Variants in TSPAN18 observed in about 807,000 individuals in gnomAD.
TSPAN18 encodes tetraspanin 18, also known as tetraspanin-18.
A neutral mutation model predicts 27.3 loss-of-function variants in TSPAN18; 14 were observed. The ratio of observed to expected loss-of-function variants is 0.51; its 90% CI spans 0.34 to 0.80. The LOEUF (loss-of-function observed/expected upper bound fraction) is 0.80. TSPAN18 is among the 30% of genes least tolerant of loss of function. The probability of loss-of-function intolerance (pLI) is 0.01; values close to 1 mark genes in which losing one functional copy is unlikely to be tolerated. For synonymous variants in TSPAN18, 143 were observed against 136.5 expected, an observed-to-expected ratio of 1.05 and a Z score of -0.33; for missense variants, 268 against 323.9, an observed-to-expected ratio of 0.83 and a Z score of 1.32.
intron 5 of TSPAN18, among the ~76,000 whole-genome samples, chr11:44,917,175 G>A (rs1424257381): frequency 6.6e-6 from 1 of 152,208 alleles, no homozygotes; most frequent in African/African-American, 2.4e-5. Flanking sequence ...CCCAGGAGAG[G>A]GAGGGTTCTC....
In TSPAN18 at chr11:44,917,962, C is replaced by T. The variant is rs959814658; in HGVS notation, c.259-10C>T. On this transcript the variant is annotated splice_polypyrimidine_tract_variant and intron_variant, in intron 5 of 9. Transcript: ENST00000520358. ...CCTCTGGGCTCACAAGGCTGTTCCT[C>T]TCCCTGCAGTTCTTCCTGTTCATCC... is the stretch of plus-strand genomic sequence containing the variant. 6 of 1,613,944 alleles carry T rather than the reference C, an allele frequency of 3.7e-6. No individual in the cohort carries two copies. Among genetic ancestry groups the T allele is most frequent in the Non-Finnish European group, 5.1e-6 (6 of 1,179,992 alleles).
chr11:44,835,811 A>G (rs1042777988), intron 2 of TSPAN18, among the ~76,000 whole-genome samples: 2 of 152,162 alleles, frequency 1.3e-5, no homozygotes, highest in African/African-American at 4.8e-5. Context: ...TCTCTGTTGC[A>G]TTTTGGTAAT....
chr11:44,846,970 G>A (rs1857498663), intron 2 of TSPAN18, among the ~76,000 whole-genome samples: 1 of 152,188 alleles, frequency 6.6e-6, no homozygotes, highest in Non-Finnish European at 1.5e-5. Flanking sequence ...ACTCTCGGAA[G>A]GGCCCTGTGC....
chr11:44,919,168 G>A (rs761431230), intron 6 of TSPAN18, 46 bp from the exon 7 acceptor site: 3 of 1,486,026 alleles, frequency 2.0e-6, no homozygotes, highest in Admixed American at 1.7e-5. Flanking sequence ...GGTGGGGGCT[G>A]CACCCAACTG....
intron 2 of TSPAN18, among the ~76,000 whole-genome samples, chr11:44,847,610 G>A (rs1857511693): frequency 6.6e-6 from 1 of 152,162 alleles, no homozygotes; most frequent in Non-Finnish European, 1.5e-5. Flanking sequence ...ACCAGTATTT[G>A]TTTGACTCCC....
At chr11:44,903,386 T>C (rs1215507878) in intron 3 of TSPAN18, 1 of 439,820 alleles carries the variant, frequency 2.3e-6, no homozygotes, top group Non-Finnish European at 4.6e-6. Context: ...ATGGTGGTGA[T>C]AGGAAAGTCA....
chr11:44,821,562 G>A (rs190839100), intron 2 of TSPAN18, among the ~76,000 whole-genome samples: 1 of 152,254 alleles, frequency 6.6e-6, no homozygotes, highest in Admixed American at 6.5e-5. Context: ...ATTTCTCTGT[G>A]GGGTCAGTGG....
At chr11:44,897,814 C>G (rs772284277) in intron 3 of TSPAN18, 3 of 1,289,278 alleles carry the variant, frequency 2.3e-6, no homozygotes, top group Admixed American at 4.6e-5. Context: ...TGCTGATGCC[C>G]GAAGAACTGC....
intron 2 of TSPAN18, among the ~76,000 whole-genome samples, chr11:44,771,274 A>G (rs1297533774): frequency 6.6e-6 from 1 of 152,220 alleles, no homozygotes; most frequent in African/African-American, 2.4e-5. Flanking sequence ...CTTGAGGATG[A>G]GTGGAGAAAT....
rs901410464 is a variant in TSPAN18, at chr11:44,857,845, C to T, written c.-152-2483C>T. ...CACATATTCACACACTGAATCCCTC[C>T]CCCCGATACACACAGATGCATGCCC... is the stretch of plus-strand genomic sequence containing the variant. On this transcript the variant is annotated intron_variant, in intron 2 of 9. Coordinates refer to ENST00000520358, the MANE Select transcript of TSPAN18 (RefSeq NM_130783.5). 1.3e-5 allele frequency among the ~76,000 whole-genome samples: 2 copies of T among 152,126 alleles called. 1 individual carries two copies. Among genetic ancestry groups the T allele is most frequent in the Non-Finnish European group, 2.9e-5 (2 of 68,020 alleles).
intron 2 of TSPAN18, among the ~76,000 whole-genome samples, chr11:44,842,325 C>T (rs147198287): frequency 6.3e-4 from 96 of 152,348 alleles, no homozygotes; most frequent in African/African-American, 2.2e-3. Flanking sequence ...TTAAGCCACA[C>T]GCTCACTGTA....
intron 1 of TSPAN18, among the ~76,000 whole-genome samples, chr11:44,739,765 G>A (rs1403699080): frequency 6.7e-6 from 1 of 149,812 alleles, no homozygotes; most frequent in African/African-American, 2.5e-5. Flanking sequence ...CCAGTCTCTG[G>A]GCCCAGAGAC....
intron 2 of TSPAN18, among the ~76,000 whole-genome samples, chr11:44,823,823 A>G (rs540734317): frequency 1.3e-5 from 2 of 152,322 alleles, no homozygotes; most frequent in Middle Eastern, 3.4e-3. Context: ...AGCATTTCCC[A>G]TCACCCTCTG....
intron 3 of TSPAN18, chr11:44,897,889 G>GT (rs1304140683): frequency 4.7e-6 from 6 of 1,283,234 alleles, no homozygotes; most frequent in Non-Finnish European, 5.1e-6. Context: ...ACCTGACACG[G>GT]TCCCATCTCC....
chr11:44,906,815 A>G (rs1859469616), intron 4 of TSPAN18, among the ~76,000 whole-genome samples: 1 of 152,182 alleles, frequency 6.6e-6, no homozygotes, highest in African/African-American at 2.4e-5. Context: ...AGAGGGCAGC[A>G]AGAGGGAGCC....
chr11:44,871,210 C>T (rs1374863563), intron 3 of TSPAN18, among the ~76,000 whole-genome samples: 1 of 152,118 alleles, frequency 6.6e-6, no homozygotes, highest in Non-Finnish European at 1.5e-5. Flanking sequence ...GATTAAACAA[C>T]AAATATTTAT....
At chr11:44,845,691 C>G (rs1014222341) in intron 2 of TSPAN18, among the ~76,000 whole-genome samples, 1 of 152,244 alleles carries the variant, frequency 6.6e-6, no homozygotes, top group South Asian at 2.1e-4. Flanking sequence ...GAAGCTGGGA[C>G]TTATCCAAGG....
At chr11:44,902,206 G>A (rs1259083879) in intron 3 of TSPAN18, among the ~76,000 whole-genome samples, 3 of 152,222 alleles carry the variant, frequency 2.0e-5, no homozygotes, top group Admixed American at 2.0e-4. Context: ...CTCTGTGCAG[G>A]TACAGCGGGG....
intron 2 of TSPAN18, among the ~76,000 whole-genome samples, chr11:44,828,420 G>A (rs1262986658): frequency 6.6e-6 from 1 of 152,146 alleles, no homozygotes; most frequent in Non-Finnish European, 1.5e-5. Context: ...GATTCGTCTA[G>A]AATGGTTTCC....
Sources: allele counts gnomAD v4.1 joint callset (sites outside exome capture counted in the v4.1 genomes callset), GRCh38; gene constraint gnomAD v4.1.1; transcripts MANE v1.5; gene names NCBI Gene and HGNC (gene_info 2026-07-23, HGNC 2026-07-21).